The following ZBED4 variants were observed in gnomAD, a reference collection of about 807,000 sequenced individuals.
ZBED4 encodes the protein zinc finger BED domain-containing protein 4.
Under a neutral mutation model 15.5 loss-of-function variants are expected in ZBED4, and 4 were observed. The observed-to-expected ratio is 0.26, with a 90% CI of 0.13 to 0.59. The LOEUF (loss-of-function observed/expected upper bound fraction) is 0.59, where lower values mean the gene tolerates loss of function less well. ZBED4 is among the 20% of genes least tolerant of loss of function. The pLI is 0.90. For missense variants in ZBED4, 1,323 were observed against 1,461.8 expected, an observed-to-expected ratio of 0.91 and a Z score of 1.55; for synonymous variants, 692 against 608.5, an observed-to-expected ratio of 1.14 and a Z score of -2.02.
intron 1 of ZBED4, among the ~76,000 whole-genome samples, chr22:49,883,005 T>G (rs567184315): frequency 6.6e-6 from 1 of 152,354 alleles, no homozygotes; most frequent in East Asian, 1.9e-4. Context: ...CAGCTGTGAG[T>G]ACCTCTCATG....
At chr22:49,857,040 GC>G (rs1227189045) in intron 1 of ZBED4, among the ~76,000 whole-genome samples, 2 of 152,176 alleles carry the variant, frequency 1.3e-5, no homozygotes, top group Admixed American at 6.5e-5. Flanking sequence ...GGAGGACCTG[GC>G]CCCCCGCCCT....
intron 1 of ZBED4, among the ~76,000 whole-genome samples, chr22:49,879,453 G>T (rs988659101): frequency 6.6e-6 from 1 of 151,774 alleles, no homozygotes; most frequent in Admixed American, 6.6e-5. Flanking sequence ...TTGCAGAGAC[G>T]ATGTTTTGCC....
In ZBED4 at chr22:49,884,661, G is replaced by A. The variant is rs1164096710; in HGVS notation, c.999G>A (p.Arg333=). ...GCTGCCTCATCAGGCACATGTGGAG[G>A]GCACACCGCGCCATCGTGTTGCAGG... ...GTSCLIRHMW[R]AHRAIVLQEN... is the part of the protein sequence containing the mutation. Residue 333 remains arginine (R), a synonymous_variant, in exon 2 of 2, where the codon AGG becomes AGA. Transcript: ENST00000216268. The A allele has an allele frequency of 9.3e-6, 15 of 1,611,368 alleles. No homozygotes were observed. The highest frequency in any genetic ancestry group is 1.3e-5 in the Non-Finnish European group (15 of 1,178,508).
chr22:49,878,959 A>G (rs2060392637), intron 1 of ZBED4, among the ~76,000 whole-genome samples: 1 of 151,840 alleles, frequency 6.6e-6, no homozygotes, highest in African/African-American at 2.4e-5. Flanking sequence ...CGTGGCCAAC[A>G]TGGTGAAACC....
Position 49,889,705 on chromosome 22 carries a change from C to T in ZBED4, c.*2527C>T, listed in dbSNP as rs1372466362. ...ACTCAATGGTCAAACCGTCTCTGCCCTCCAGTTGCTGACAGTCCTGCAGGA... is the reference window on the plus strand; with the variant it reads ...ACTCAATGGTCAAACCGTCTCTGCCTTCCAGTTGCTGACAGTCCTGCAGGA... On this transcript the variant is annotated 3_prime_UTR_variant, in exon 2 of 2. Transcript: ENST00000216268. The T allele has an allele frequency of 1.8e-5, 3 of 167,216 alleles. No homozygotes were observed. Among genetic ancestry groups the T allele is most frequent in the African/African-American group, 2.4e-5 (1 of 41,450 alleles). The allele number at this position is 167,216 out of a possible 1,614,324, so 10.4% of individuals were successfully genotyped here.
In ZBED4 at chr22:49,886,868, C is replaced by T. The variant is rs765151503; in HGVS notation, c.3206C>T (p.Ala1069Val). ...GAGGAGAACCTGTGGTCACTTGTGG[C>T]CAAGGTGAAGAAGAAAGACCCAAGA... ...AAEENLWSLV[A>V]KVKKKDPREK... Residue 1069 changes from alanine (A) to valine (V), a missense_variant, in exon 2 of 2, where the codon GCC becomes GTC. Transcript: ENST00000216268. The surrounding 1 kb of genome is among the most constrained non-coding windows in gnomAD (Gnocchi z 7.7). The T allele has an allele frequency of 1.2e-6, 2 of 1,614,050 alleles. No individual in the cohort carries two copies. The highest frequency in any genetic ancestry group is 3.3e-5 in the Admixed American group (2 of 60,002).
Position 49,883,798 on chromosome 22 carries a change from CAGG to C in ZBED4, c.141_143del (p.Glu47del). The C allele has an allele frequency of 6.2e-7, 1 of 1,613,092 alleles. No individual in the cohort carries two copies. The highest frequency in any genetic ancestry group is 8.5e-7 in the Non-Finnish European group (1 of 1,179,258). On this transcript the variant is annotated inframe_deletion, in exon 2 of 2. Coordinates refer to ENST00000216268, the MANE Select transcript of ZBED4 (RefSeq NM_014838.3). ...GGAAAGAATGGACTTTAAAAGCGAG[CAGG>C]AGGACATGAAGCAGACAGACAGCGG...
chr22:49,886,374 G>A lies in ZBED4; in HGVS notation c.2712G>A (p.Glu904=), dbSNP rs1474881972. 2.5e-6 allele frequency: 4 copies of A among 1,610,606 alleles called. No individual in the cohort carries two copies. In the African/African-American group the frequency reaches 4.0e-5, roughly 16 times the overall value. Residue 904 remains glutamate, a synonymous_variant, in exon 2 of 2, where the codon GAG becomes GAA. Transcript: ENST00000216268. This position sits in a 1 kb window ranked among gnomAD's most constrained non-coding sequence, Gnocchi z 7.7. ...TSFHMLERLI[E]QKRAINEMSV... The stretch of plus-strand genomic sequence containing the variant: ...TCCACATGCTCGAGCGGCTCATTGA[G>A]CAGAAAAGGGCCATTAACGAGATGT...
At chr22:49,881,324 C>T (rs1030530143) in intron 1 of ZBED4, among the ~76,000 whole-genome samples, 1 of 152,238 alleles carries the variant, frequency 6.6e-6, no homozygotes, top group African/African-American at 2.4e-5. Context: ...ACACTGCAGC[C>T]TGGGCGACAG....
chr22:49,878,856 G>A (rs904459509), intron 1 of ZBED4, among the ~76,000 whole-genome samples: 9 of 151,838 alleles, frequency 5.9e-5, no homozygotes, highest in Non-Finnish European at 1.2e-4. Flanking sequence ...AAAATGAGCC[G>A]GGAGTGGGCC....
rs1236133047 is a variant in ZBED4, at chr22:49,884,995, G to A, written c.1333G>A (p.Ala445Thr). Residue 445 changes from alanine to threonine, a missense_variant, in exon 2 of 2, where the codon GCC (alanine) becomes ACC (threonine). Physicochemically the swap from Ala to Thr is moderately conservative, Grantham distance 58 (BLOSUM62 0). Transcript: ENST00000216268. ...GLSPRLFESGAIFQQNKKVMK... is the reference protein window; with the variant it reads ...GLSPRLFESGTIFQQNKKVMK... ...GAGTCCTAGATTGTTTGAATCTGGCGCCATCTTCCAGCAGAATAAAAAGGT... is the reference window on the plus strand; with the variant it reads ...GAGTCCTAGATTGTTTGAATCTGGCACCATCTTCCAGCAGAATAAAAAGGT... 1.8e-5 allele frequency: 29 copies of A among 1,613,264 alleles called. No individual in the cohort carries two copies. Among genetic ancestry groups the A allele is most frequent in the African/African-American group, 6.7e-5 (5 of 74,934 alleles).
At chr22:49,875,073 G>A (rs2060369029) in intron 1 of ZBED4, among the ~76,000 whole-genome samples, 1 of 152,026 alleles carries the variant, frequency 6.6e-6, no homozygotes, top group South Asian at 2.1e-4. Flanking sequence ...AATTTAATTT[G>A]TTACAGTTTT....
intron 1 of ZBED4, among the ~76,000 whole-genome samples, chr22:49,858,536 C>T (rs2060284368): frequency 6.6e-6 from 1 of 152,212 alleles, no homozygotes; most frequent in African/African-American, 2.4e-5. Context: ...AGAGTTGGCA[C>T]TCCTACGTCC....
At chr22:49,856,178 T>G (rs1214660646) in intron 1 of ZBED4, among the ~76,000 whole-genome samples, 3 of 152,214 alleles carry the variant, frequency 2.0e-5, no homozygotes, top group African/African-American at 7.2e-5. Context: ...GGAGGCATTG[T>G]TAGGAATAAA....
In ZBED4 at chr22:49,886,275, C is replaced by A. The variant is rs753277331; in HGVS notation, c.2613C>A (p.Ala871=). 3 of 1,370,832 alleles carry A rather than the reference C, an allele frequency of 2.2e-6. No individual in the cohort carries two copies. Among genetic ancestry groups the A allele is most frequent in the East Asian group, 2.3e-5 (1 of 43,308 alleles). The allele number at this position is 1,370,832 out of a possible 1,614,324, so 84.9% of individuals were successfully genotyped here. Residue 871 remains alanine (A), a synonymous_variant, in exon 2 of 2, where the codon GCC becomes GCA. Transcript: ENST00000216268. The surrounding 1 kb of genome is among the most constrained non-coding windows in gnomAD (Gnocchi z 7.7). ...HRSPKAKEKL[A]ELQREYALPQ... ...CGCCCAAGGCGAAGGAGAAACTGGC[C>A]GAGCTGCAGAGGGAGTACGCGCTGC...
In ZBED4 at chr22:49,885,261, T is replaced by C; in HGVS notation, c.1599T>C (p.Ser533=). ...SPYATLASAE[S]SSSKLTDLPT... ...ATGCCACTTTGGCCTCTGCAGAAAG[T>C]TCCTCTTCCAAATTGACTGACTTGC... The change falls in exon 2 of 2, where the codon AGT becomes AGC. Residue 533 remains serine, a synonymous_variant. Transcript: ENST00000216268. 2 of 1,599,792 alleles carry C rather than the reference T, an allele frequency of 1.3e-6. No individual in the cohort carries two copies. The highest frequency in any genetic ancestry group is 1.7e-6 in the Non-Finnish European group (2 of 1,171,180).
In ZBED4 at chr22:49,888,145, A is replaced by G. The variant is rs2147557273; in HGVS notation, c.*967A>G. On this transcript the variant is annotated 3_prime_UTR_variant, in exon 2 of 2. Transcript: ENST00000216268. ...CTTAGTGTTTAGATTTTTTTATGAT[A>G]GGGAAGATGCGGCCATCACTGGGAT... 1 of 167,340 alleles carries G rather than the reference A, an allele frequency of 6.0e-6. No individual in the cohort carries two copies. Among genetic ancestry groups the G allele is most frequent in the South Asian group, 2.1e-4 (1 of 4,822 alleles). The allele number at this position is 167,340 out of a possible 1,614,324, so 10.4% of individuals were successfully genotyped here.
rs1399654313 is a variant in ZBED4 at position 49,888,409 on chromosome 22, A to G, written c.*1231A>G. ...TAGTGTATTTATAAATGGTGAACTC[A>G]GTTTCTGAAATTAAACTTCTTATTT... On this transcript the variant is annotated 3_prime_UTR_variant, in exon 2 of 2. Transcript: ENST00000216268. 1 of 167,246 alleles carries G rather than the reference A, an allele frequency of 6.0e-6. No homozygotes were observed. Among genetic ancestry groups the G allele is most frequent in the East Asian group, 1.9e-4 (1 of 5,346 alleles). The allele number at this position is 167,246 out of a possible 1,614,324, so 10.4% of individuals were successfully genotyped here. A position where few individuals can be genotyped will look rare whatever the true frequency, so the allele number is the denominator to read the frequency against.
chr22:49,886,417 C>G lies in ZBED4; in HGVS notation c.2755C>G (p.Arg919Gly). The change falls in exon 2 of 2, where the codon CGA (arginine) becomes GGA (glycine). Residue 919 changes from arginine (R) to glycine (G), a missense_variant. Arg to Gly is a moderately radical substitution (Grantham distance 125). Around this residue, in one of 6 missense-constraint regions of ZBED4, gnomAD observed 312 missense variants for 410.7 expected, o/e 0.76. Coordinates refer to ENST00000216268, the MANE Select transcript of ZBED4 (RefSeq NM_014838.3). This position sits in a 1 kb window ranked among gnomAD's most constrained non-coding sequence, Gnocchi z 7.7. ...INEMSVECNF[R>G]ELISCDQWEV... is the part of the protein sequence containing the mutation. ...CGAGATGTCCGTCGAGTGTAACTTCCGAGAGCTGATCAGCTGCGACCAGTG... is the reference window on the plus strand; with the variant it reads ...CGAGATGTCCGTCGAGTGTAACTTCGGAGAGCTGATCAGCTGCGACCAGTG... The G allele has an allele frequency of 1.3e-6, 2 of 1,599,516 alleles. No individual in the cohort carries two copies. Among genetic ancestry groups the G allele is most frequent in the Non-Finnish European group, 1.7e-6 (2 of 1,170,284 alleles).
Sources: gnomAD v4.1 joint callset for allele counts (sites outside exome capture counted in the v4.1 genomes callset) on GRCh38, gnomAD v4.1.1 for gene constraint, gnomAD v4.1.1 regional missense constraint, Gnocchi (gnomAD v3.1) non-coding constraint, MANE v1.5 for transcripts, NCBI Gene and HGNC (gene_info 2026-07-23, HGNC 2026-07-21) for gene names.